TRAF2: variants seen among roughly 807,000 people sequenced by gnomAD.
The protein encoded by TRAF2 is TNF receptor-associated factor 2.
TRAF2 carries 6 observed loss-of-function variants against 55.6 expected under a neutral mutation model. That is an observed-to-expected ratio of 0.11 (90% confidence interval 0.06 to 0.21). The LOEUF (loss-of-function observed/expected upper bound fraction) is 0.21, where lower values mean the gene tolerates loss of function less well. TRAF2 is among the 10% of genes least tolerant of loss of function. TRAF2 has a pLI of 1.00. For missense variants in TRAF2, 561 were observed against 684.5 expected, an observed-to-expected ratio of 0.82 and a Z score of 2.01; for synonymous variants, 329 against 276.3, an observed-to-expected ratio of 1.19 and a Z score of -1.89.
upstream of TRAF2, among the ~76,000 whole-genome samples, chr9:136,884,297 G>A (rs562116413): frequency 2.6e-5 from 4 of 151,422 alleles, no homozygotes; most frequent in Non-Finnish European, 5.9e-5. Flanking sequence ...AGTGGCTCAT[G>A]CCTGTAATCC....
At chr9:136,907,255 C>T (rs1196231457) in intron 4 of TRAF2, among the ~76,000 whole-genome samples, 31 of 152,248 alleles carry the variant, frequency 2.0e-4, no homozygotes, top group Admixed American at 2.0e-3. Context: ...CTGCAGTCTG[C>T]ATCTTGTGGC....
Position 136,915,692 on chromosome 9 carries a change from C to G in TRAF2, c.604-849C>G, listed in dbSNP as rs17244110. 3.7e-3 allele frequency among the ~76,000 whole-genome samples: 570 copies of G among 152,196 alleles called. 3 individuals are homozygous for G. Among genetic ancestry groups the G allele is most frequent in the African/African-American group, 0.013 (531 of 41,520 alleles). On this transcript the variant is annotated intron_variant, in intron 6 of 10. Coordinates refer to ENST00000247668, the MANE Select transcript of TRAF2 (RefSeq NM_021138.4). ...TGGGTGGCAAGGGACAGCAGAGCCT[C>G]GAGGCGGTTCTGACGGGCGTTTCCC...
intron 6 of TRAF2, among the ~76,000 whole-genome samples, chr9:136,914,520 G>A (rs189339080): frequency 1.2e-4 from 19 of 152,322 alleles, no homozygotes; most frequent in Admixed American, 1.1e-3. Context: ...TGTTTCATCC[G>A]AAAATACTTC....
At chr9:136,899,338 C>T (rs1390675923) in intron 2 of TRAF2, among the ~76,000 whole-genome samples, 4 of 152,182 alleles carry the variant, frequency 2.6e-5, no homozygotes, top group Non-Finnish European at 5.9e-5. Flanking sequence ...GGAGAGCCGG[C>T]AATACCTGAG....
chr9:136,904,010 G>A (rs1849886818), intron 4 of TRAF2, among the ~76,000 whole-genome samples: 1 of 152,160 alleles, frequency 6.6e-6, no homozygotes, highest in African/African-American at 2.4e-5. Context: ...GACATTTCGA[G>A]CATGCAGCGC....
intron 4 of TRAF2, 94 bp downstream of exon 4, chr9:136,900,614 C>T (rs772470742): frequency 1.0e-6 from 1 of 990,248 alleles, no homozygotes; most frequent in African/African-American, 1.6e-5. Flanking sequence ...CCTGCACGTT[C>T]CTCTCACTGG....
intron 1 of TRAF2, among the ~76,000 whole-genome samples, chr9:136,892,753 G>A (rs904098465): frequency 1.3e-5 from 2 of 151,956 alleles, no homozygotes; most frequent in East Asian, 1.9e-4. Context: ...GGTGACAGGC[G>A]TCTGTAATCC....
chr9:136,894,335 G>A (rs989679107), intron 1 of TRAF2, among the ~76,000 whole-genome samples: 5 of 152,140 alleles, frequency 3.3e-5, no homozygotes, highest in African/African-American at 1.2e-4. Context: ...GTGAGCCACC[G>A]CACCTGGCTG....
chr9:136,924,549 AAG>A (rs760960518), intron 10 of TRAF2, among the ~76,000 whole-genome samples: 7 of 151,890 alleles, frequency 4.6e-5, no homozygotes, highest in Non-Finnish European at 7.4e-5. Flanking sequence ...GCAACAGAGC[AAG>A]AGGGGGCTCT....
intron 1 of TRAF2, chr9:136,890,455 T>C (rs1490450341): frequency 6.6e-6 from 1 of 152,262 alleles, no homozygotes; most frequent in Non-Finnish European, 1.5e-5. Context: ...GTGTGTCTGG[T>C]TCAGGTGACC....
chr9:136,908,061 C>A lies in TRAF2; in HGVS notation c.367-9C>A. On this transcript the variant is annotated splice_polypyrimidine_tract_variant and intron_variant, in intron 4 of 10. Coordinates refer to ENST00000247668, the MANE Select transcript of TRAF2 (RefSeq NM_021138.4). ...GAGTTCTACTGACGCTTCCTCCTTT[C>A]GTTGCTAGAGCTGCCACGAAGGCCG... 6.3e-7 allele frequency: 1 copy of A among 1,596,236 alleles called. No individual in the cohort carries two copies. The highest frequency in any genetic ancestry group is 8.5e-7 in the Non-Finnish European group (1 of 1,176,016).
At chr9:136,885,203 T>C (rs1849422779), upstream of TRAF2, among the ~76,000 whole-genome samples, 1 of 152,202 alleles carries the variant, frequency 6.6e-6, no homozygotes, top group African/African-American at 2.4e-5. Context: ...GTGTAAATTA[T>C]GCAACTTCAA....
chr9:136,908,010 G>A (rs1849996802), intron 4 of TRAF2, 60 bp from the exon 5 acceptor site: 1 of 1,551,302 alleles, frequency 6.4e-7, no homozygotes, highest in South Asian at 1.2e-5. Flanking sequence ...CCCGGGTGAA[G>A]CTGTGGCTGC....
Position 136,921,142 on chromosome 9 carries a change from C to T in TRAF2, c.1065C>T (p.Ile355=). The T allele has an allele frequency of 1.2e-6, 2 of 1,614,100 alleles. No individual in the cohort carries two copies. Among genetic ancestry groups the T allele is most frequent in the Non-Finnish European group, 1.7e-6 (2 of 1,180,030 alleles). ...CATCCACCTACGATGGGGTCTTCATCTGGAAGATCTCAGACTTCGCCAGGA... is the reference window on the plus strand; with the variant it reads ...CATCCACCTACGATGGGGTCTTCATTTGGAAGATCTCAGACTTCGCCAGGA... ...MEASTYDGVF[I]WKISDFARKR... is the part of the protein sequence containing the mutation. The change falls in exon 9 of 11, where the codon ATC becomes ATT. Residue 355 remains isoleucine (I), a synonymous_variant. Coordinates refer to ENST00000247668, the MANE Select transcript of TRAF2 (RefSeq NM_021138.4).
chr9:136,897,746 G>A (rs1849715594), intron 1 of TRAF2, among the ~76,000 whole-genome samples: 1 of 148,590 alleles, frequency 6.7e-6, no homozygotes, highest in Non-Finnish European at 1.5e-5. Context: ...CAGGGCTGGA[G>A]GGGAACCCGT....
chr9:136,925,543 T>TG (rs1850509333), intron 10 of TRAF2, 140 bp from the exon 11 acceptor site: 3 of 810,358 alleles, frequency 3.7e-6, no homozygotes. Flanking sequence ...GCCCACCACG[T>TG]GGTCTCGGCT....
chr9:136,901,171 C>A (rs953930507), intron 4 of TRAF2, among the ~76,000 whole-genome samples: 2 of 152,198 alleles, frequency 1.3e-5, no homozygotes, highest in African/African-American at 4.8e-5. Context: ...ACCTTTTAGG[C>A]ATTTGGAAAC....
Position 136,925,701 on chromosome 9 carries a change from G to T in TRAF2, c.1306G>T (p.Asp436Tyr). 6.2e-7 allele frequency: 1 copy of T among 1,614,046 alleles called. No individual in the cohort carries two copies. The highest frequency in any genetic ancestry group is 1.1e-5 in the South Asian group (1 of 91,046). The change falls in exon 11 of 11, where the codon GAC becomes TAC. Residue 436 changes from aspartate (D) to tyrosine (Y), a missense_variant. Physicochemically the swap from Asp to Tyr is radical, Grantham distance 160. This residue lies in a region of TRAF2 where 135 missense variants were observed against 207.7 expected (regional missense o/e 0.65). Coordinates refer to ENST00000247668, the MANE Select transcript of TRAF2 (RefSeq NM_021138.4). ...CCTCCAGGTGACCTTAATGCTGCTC[G>T]ACCAGAATAACCGGGAGCACGTGAT... Reference protein sequence around the residue: ...FNQKVTLMLLDQNNREHVIDA... With the variant: ...FNQKVTLMLLYQNNREHVIDA...
chr9:136,904,956 A>G (rs985404460), intron 4 of TRAF2, among the ~76,000 whole-genome samples: 5 of 152,100 alleles, frequency 3.3e-5, no homozygotes, highest in Non-Finnish European at 5.9e-5. Context: ...GAGGTCTTGG[A>G]GGGCTGGGCC....
Sources: allele counts gnomAD v4.1 joint callset (sites outside exome capture counted in the v4.1 genomes callset), GRCh38; gene constraint gnomAD v4.1.1; regional missense constraint gnomAD v4.1.1; transcripts MANE v1.5; gene names NCBI Gene and HGNC (gene_info 2026-07-23, HGNC 2026-07-21).